Variants in ASPRV1 observed in about 807,000 individuals in gnomAD.
ASPRV1 encodes the protein aspartic peptidase retroviral like 1, also known as retroviral-like aspartic protease 1.
ASPRV1 carries 7 observed loss-of-function variants against 11.0 expected under a neutral mutation model. The observed-to-expected ratio is 0.64, with a 90% CI of 0.36 to 1.20. The LOEUF is 1.20. Ranked by LOEUF, ASPRV1 falls within the 50% of genes most tolerant of loss-of-function variation. The pLI, the probability that ASPRV1 is intolerant of heterozygous loss-of-function variation, is 0.02. For missense variants in ASPRV1, 299 were observed against 320.0 expected, an observed-to-expected ratio of 0.93 and a Z score of 0.50; for synonymous variants, 136 against 138.4, an observed-to-expected ratio of 0.98 and a Z score of 0.12.
chr2:70,038,735 TG>T, the ASPRV1 span, among the ~76,000 whole-genome samples: 2 of 152,020 alleles, frequency 1.3e-5, no homozygotes, highest in Non-Finnish European at 2.9e-5. Context: ...GGAGTTCTAG[TG>T]GTAATATGCT....
At chr2:69,998,728 CAAA>C in the ASPRV1 span, among the ~76,000 whole-genome samples, 6 of 102,156 alleles carry the variant, frequency 5.9e-5, no homozygotes, top group Admixed American at 1.9e-4. Flanking sequence ...GACTCCGTCT[CAAA>C]AAAAAAAAAA....
At chr2:70,085,600 A>C in the ASPRV1 span, 1 of 152,020 alleles carries the variant, frequency 6.6e-6, no homozygotes, top group Admixed American at 6.6e-5. Flanking sequence ...TGAATTAAGC[A>C]CTTCATCTTT....
the ASPRV1 span, chr2:70,000,704 AC>A: frequency 7.1e-6 from 1 of 141,274 alleles, no homozygotes; most frequent in African/African-American, 2.7e-5. Flanking sequence ...GTGGGGGATC[AC>A]CTGAGCCCAG....
the ASPRV1 span, among the ~76,000 whole-genome samples, chr2:70,064,919 C>T: frequency 6.6e-6 from 1 of 151,672 alleles, no homozygotes; most frequent in African/African-American, 2.4e-5. Flanking sequence ...CATGGTGAAA[C>T]CTTGTTCCTA....
chr2:69,999,471 T>C, the ASPRV1 span, among the ~76,000 whole-genome samples: 600 of 151,956 alleles, frequency 3.9e-3, 3 homozygotes, highest in African/African-American at 0.013. Flanking sequence ...CTGGCCAACA[T>C]GGTGAAACCT....
At chr2:69,943,060 A>C in the ASPRV1 span, 1 of 152,140 alleles carries the variant, frequency 6.6e-6, no homozygotes, top group South Asian at 2.1e-4. Context: ...TCACTAGCTA[A>C]AAGTTTTCAG....
At chr2:70,061,498 C>CA in the ASPRV1 span, among the ~76,000 whole-genome samples, 1 of 151,970 alleles carries the variant, frequency 6.6e-6, no homozygotes, top group South Asian at 2.1e-4. Flanking sequence ...CAAAGGCCTT[C>CA]AGGCCAGAAA....
chr2:69,961,849 C>T (rs533242251), upstream of ASPRV1: 1 of 712,676 alleles, frequency 1.4e-6, no homozygotes, highest in East Asian at 2.6e-5. Flanking sequence ...GGGGGACTAC[C>T]CTGTACCCTC....
chr2:69,936,679 G>A, the ASPRV1 span, among the ~76,000 whole-genome samples: 2 of 152,198 alleles, frequency 1.3e-5, no homozygotes, highest in East Asian at 3.8e-4. Flanking sequence ...CTATGGAAAT[G>A]TGTTTTCTAA....
the ASPRV1 span, among the ~76,000 whole-genome samples, chr2:70,008,255 T>C: frequency 6.6e-6 from 1 of 152,178 alleles, no homozygotes; most frequent in Non-Finnish European, 1.5e-5. Flanking sequence ...AGTGGCAGAA[T>C]ATGAGTAATA....
At chr2:70,024,172 CTA>C in the ASPRV1 span, among the ~76,000 whole-genome samples, 10 of 149,698 alleles carry the variant, frequency 6.7e-5, no homozygotes, top group Admixed American at 6.0e-4. Context: ...TATAGTAAGA[CTA>C]TGAAAAATTT....
At chr2:69,935,469 A>AGT in the ASPRV1 span, 4 of 1,595,920 alleles carry the variant, frequency 2.5e-6, no homozygotes, top group Non-Finnish European at 3.4e-6. Flanking sequence ...CATAAAGGTA[A>AGT]GTGTATTGTT....
the ASPRV1 span, among the ~76,000 whole-genome samples, chr2:69,982,465 GT>G: frequency 6.4e-3 from 980 of 152,062 alleles, 9 homozygotes; most frequent in African/African-American, 0.022. Context: ...CAAAAAATAA[GT>G]TTTCTAAGAT....
the ASPRV1 span, among the ~76,000 whole-genome samples, chr2:69,969,836 C>G: frequency 2.0e-5 from 3 of 152,130 alleles, no homozygotes; most frequent in Non-Finnish European, 4.4e-5. Context: ...CACCTCAGCT[C>G]CAGTTCCACC....
the ASPRV1 span, among the ~76,000 whole-genome samples, chr2:69,977,175 A>AAAAAAAT: frequency 6.6e-6 from 1 of 152,032 alleles, no homozygotes; most frequent in Non-Finnish European, 1.5e-5. Context: ...GACTCTGTAA[A>AAAAAAAT]AAAAAATAAA....
the ASPRV1 span, among the ~76,000 whole-genome samples, chr2:70,027,021 CAGG>C: frequency 6.6e-6 from 1 of 152,038 alleles, no homozygotes; most frequent in Non-Finnish European, 1.5e-5. Context: ...GAGGCTGAGG[CAGG>C]AGGACTACTT....
the ASPRV1 span, among the ~76,000 whole-genome samples, chr2:70,044,202 A>C: frequency 2.1e-4 from 32 of 152,312 alleles, no homozygotes; most frequent in African/African-American, 7.0e-4. Flanking sequence ...TAGGGTCTCA[A>C]AGATTTAAAT....
chr2:70,003,903 T>C, the ASPRV1 span, among the ~76,000 whole-genome samples: 3 of 152,198 alleles, frequency 2.0e-5, no homozygotes, highest in African/African-American at 7.2e-5. Flanking sequence ...TCTTTTCGCC[T>C]TTCCACCTTC....
the ASPRV1 span, chr2:69,935,318 C>T: frequency 6.6e-7 from 1 of 1,522,000 alleles, no homozygotes; most frequent in Non-Finnish European, 9.1e-7. Flanking sequence ...CACTGTGAAA[C>T]TCTCAAATGC....
Sources: gnomAD v4.1 joint callset for allele counts (sites outside exome capture counted in the v4.1 genomes callset) on GRCh38, gnomAD v4.1.1 for gene constraint, MANE v1.5 for transcripts, NCBI Gene and HGNC (gene_info 2026-07-23, HGNC 2026-07-21) for gene names.